PRRC2B: variants seen among roughly 807,000 people sequenced by gnomAD.
The protein encoded by PRRC2B is protein PRRC2B.
Under a neutral mutation model 242.3 loss-of-function variants are expected in PRRC2B, and 68 were observed. That is an observed-to-expected ratio of 0.28 (90% CI 0.23 to 0.34). The LOEUF (loss-of-function observed/expected upper bound fraction) is 0.34, where lower values mean the gene tolerates loss of function less well. Among genes scored for constraint, PRRC2B ranks in the 10% least tolerant of loss-of-function variants. The pLI, the probability that PRRC2B is intolerant of heterozygous loss-of-function variation, is 1.00. For synonymous variants in PRRC2B, 1,228 were observed against 1,173.6 expected (o/e 1.05, Z -0.95); for missense variants, 2,835 against 2,954.8 (o/e 0.96, Z 0.94).
chr9:131,413,921 C>G (rs150776927), intron 1 of PRRC2B, among the ~76,000 whole-genome samples: 1 of 151,188 alleles, frequency 6.6e-6, no homozygotes, highest in African/African-American at 2.4e-5. Context: ...CCACCCGCCT[C>G]GGCCTCCCAA....
intron 10 of PRRC2B, among the ~76,000 whole-genome samples, chr9:131,455,843 C>T (rs1450717080): frequency 1.3e-5 from 2 of 151,694 alleles, no homozygotes; most frequent in African/African-American, 4.8e-5. Flanking sequence ...CCGGGCACGG[C>T]GGCTCGTGCT....
intron 1 of PRRC2B, among the ~76,000 whole-genome samples, chr9:131,404,329 T>C (rs2994073): frequency 0.97 from 146,888 of 151,646 alleles, 71,313 homozygotes; most frequent in East Asian, 1. Flanking sequence ...AAGCAATTCT[T>C]CTGCCTCAGC....
chr9:131,387,296 C>A (rs1044605205), intron 1 of PRRC2B, among the ~76,000 whole-genome samples: 2 of 150,026 alleles, frequency 1.3e-5, no homozygotes, highest in African/African-American at 4.9e-5. Context: ...CCACCGCGCC[C>A]GGCCACCTGT....
chr9:131,394,081 G>GC (rs978433478), upstream of PRRC2B: 7 of 149,888 alleles, frequency 4.7e-5, no homozygotes, highest in Middle Eastern at 3.2e-3. Flanking sequence ...GAGGGAGCGA[G>GC]CGGCGAGACA....
intron 1 of PRRC2B, among the ~76,000 whole-genome samples, chr9:131,383,770 C>T (rs373472774): frequency 5.1e-4 from 78 of 151,686 alleles, no homozygotes; most frequent in African/African-American, 1.8e-3. Context: ...TACAGATGCC[C>T]ACCACCATGC....
intron 1 of PRRC2B, among the ~76,000 whole-genome samples, chr9:131,383,665 A>T (rs1387197653): frequency 1.5e-5 from 2 of 136,912 alleles, no homozygotes; most frequent in Non-Finnish European, 3.1e-5. Flanking sequence ...GCAGTGGCCC[A>T]GGATGGAGTG....
Position 131,473,494 on chromosome 9 carries a change from T to G in PRRC2B, c.2108-14T>G. The G allele has an allele frequency of 6.4e-7, 1 of 1,571,430 alleles. No homozygotes were observed. The highest frequency in any genetic ancestry group is 1.2e-5 in the South Asian group (1 of 86,288). On this transcript the variant is annotated splice_polypyrimidine_tract_variant and intron_variant, in intron 14 of 31. Transcript: ENST00000683519. ...CTAAATGAGATGATGTAGATCAGTC[T>G]TTGCCTTCTTCAGGACTGATGAAGC...
chr9:131,388,239 CTTT>C (rs536012324), intron 1 of PRRC2B, among the ~76,000 whole-genome samples: 1 of 121,092 alleles, frequency 8.3e-6, no homozygotes, highest in African/African-American at 3.0e-5. Flanking sequence ...TTTACTTTTA[CTTT>C]TTTTTTTTTT....
chr9:131,380,254 A>G (rs1052640799), intron 1 of PRRC2B, among the ~76,000 whole-genome samples: 1 of 144,516 alleles, frequency 6.9e-6, no homozygotes, highest in Non-Finnish European at 1.5e-5. Context: ...GATTTTCTCT[A>G]AAACATAAAT....
Position 131,446,265 on chromosome 9 carries a change from T to G in PRRC2B, c.614-136T>G, listed in dbSNP as rs759433145. On this transcript the variant is annotated intron_variant, in intron 6 of 31. Coordinates refer to ENST00000683519, the MANE Select transcript of PRRC2B (RefSeq NM_013318.4). This position sits in a 1 kb window ranked among gnomAD's most constrained non-coding sequence, Gnocchi z 4.1. ...AACCTTCCCTGACAGATTTAACAGT[T>G]CTTCACTTTTGGTGTTTTTTGTTTT... is the stretch of plus-strand genomic sequence containing the variant. 2.2e-5 allele frequency: 24 copies of G among 1,083,160 alleles called. No individual in the cohort carries two copies. Among genetic ancestry groups the G allele is most frequent in the African/African-American group, 9.5e-5 (6 of 63,092 alleles). 67.1% of individuals were successfully genotyped at this position (1,083,160 alleles called of 1,614,324 possible). A position where few individuals can be genotyped will look rare whatever the true frequency, so the allele number is the denominator to read the frequency against.
intron 9 of PRRC2B, among the ~76,000 whole-genome samples, chr9:131,449,810 T>C (rs1024102210): frequency 1.1e-4 from 16 of 152,226 alleles, no homozygotes; most frequent in African/African-American, 3.9e-4. Flanking sequence ...AAATGTTTGC[T>C]TCCCCTTGGT....
chr9:131,467,114 C>A (rs1052488169), intron 12 of PRRC2B, among the ~76,000 whole-genome samples: 2 of 147,896 alleles, frequency 1.4e-5, no homozygotes, highest in African/African-American at 5.0e-5. Flanking sequence ...TTTGTACTTT[C>A]AATAGAAATG....
At chr9:131,403,646 C>A (rs1159443687) in intron 1 of PRRC2B, among the ~76,000 whole-genome samples, 1 of 140,098 alleles carries the variant, frequency 7.1e-6, no homozygotes, top group Non-Finnish European at 1.5e-5. Context: ...TGAGCCACTG[C>A]GCCTGGCCCA....
intron 14 of PRRC2B, among the ~76,000 whole-genome samples, chr9:131,472,201 G>A (rs1420277533): frequency 6.6e-6 from 1 of 152,004 alleles, no homozygotes; most frequent in African/African-American, 2.4e-5. Flanking sequence ...TTATGTTTTG[G>A]GAGTGTATCT....
At chr9:131,392,749 C>G (rs374499346), upstream of PRRC2B, among the ~76,000 whole-genome samples, 38 of 151,912 alleles carry the variant, frequency 2.5e-4, no homozygotes, top group East Asian at 3.7e-3. Context: ...CCCATCTCTA[C>G]CAAAAATACA....
At position 131,487,177 on chromosome 9, in the gene PRRC2B, C is replaced by T. The variant is rs750881962; in HGVS notation, c.5867C>T (p.Ala1956Val). ...QQQSYQQAAA[A>V]QQIPISLHTS... ...TTTTCCCGTTCACAGGCCGCCGCTGCCCAGCAGATCCCGATCTCCCTTCAC... is the reference window on the plus strand; with the variant it reads ...TTTTCCCGTTCACAGGCCGCCGCTGTCCAGCAGATCCCGATCTCCCTTCAC... Residue 1956 changes from alanine (A) to valine (V), a missense_variant, in exon 27 of 32, where the codon GCC (alanine) becomes GTC (valine). Physicochemically the swap from Ala to Val is moderately conservative, Grantham distance 64. This residue lies in a region of PRRC2B where 574 missense variants were observed against 626.0 expected (regional missense o/e 0.92). Coordinates refer to ENST00000683519, the MANE Select transcript of PRRC2B (RefSeq NM_013318.4). The surrounding 1 kb of genome is among the most constrained non-coding windows in gnomAD (Gnocchi z 5.3). 2.5e-6 allele frequency: 4 copies of T among 1,613,654 alleles called. No individual in the cohort carries two copies. Among genetic ancestry groups the T allele is most frequent in the Non-Finnish European group, 3.4e-6 (4 of 1,179,716 alleles).
intron 1 of PRRC2B, among the ~76,000 whole-genome samples, chr9:131,418,670 G>C (rs1443907988): frequency 6.6e-6 from 1 of 152,232 alleles, no homozygotes; most frequent in East Asian, 1.9e-4. Flanking sequence ...TGCCGGGCAA[G>C]CCAGGGACAG....
At chr9:131,429,109 G>T (rs534668153) in intron 1 of PRRC2B, among the ~76,000 whole-genome samples, 2 of 152,230 alleles carry the variant, frequency 1.3e-5, no homozygotes, top group African/African-American at 4.8e-5. Context: ...ACCATGCCTG[G>T]CTAATTTTTG....
Position 131,477,741 on chromosome 9 carries a change from C to T in PRRC2B, c.4407-3C>T. The T allele has an allele frequency of 1.3e-6, 2 of 1,584,088 alleles. No homozygotes were observed. The highest frequency in any genetic ancestry group is 1.7e-6 in the Non-Finnish European group (2 of 1,159,808). The stretch of plus-strand genomic sequence containing the variant: ...GGTTAACAAGATCCTCTTTCCCTTA[C>T]AGATCCCCAGACGAGGCCTTGCCTG... On this transcript the variant is annotated splice_region_variant and splice_polypyrimidine_tract_variant and intron_variant, in intron 16 of 31. Transcript: ENST00000683519.
Sources: allele counts gnomAD v4.1 joint callset (sites outside exome capture counted in the v4.1 genomes callset), GRCh38; gene constraint gnomAD v4.1.1; regional missense constraint gnomAD v4.1.1; non-coding constraint Gnocchi (gnomAD v3.1); transcripts MANE v1.5; gene names NCBI Gene and HGNC (gene_info 2026-07-23, HGNC 2026-07-21).